GAK: variants seen among roughly 807,000 people sequenced by gnomAD.
GAK encodes the protein cyclin-G-associated kinase.
A neutral mutation model predicts 143.9 loss-of-function variants in GAK; 79 were observed. That is an observed-to-expected ratio of 0.55 (90% confidence interval 0.46 to 0.66). The LOEUF (loss-of-function observed/expected upper bound fraction) is 0.66. Among genes scored for constraint, GAK ranks in the 30% least tolerant of loss-of-function variants. The pLI, the probability that GAK is intolerant of heterozygous loss-of-function variation, is 0.00. For synonymous variants in GAK, 881 were observed against 765.5 expected (o/e 1.15, Z -2.49); for missense variants, 1,693 against 1,779.7 (o/e 0.95, Z 0.88).
chr4:890,670 C>T (rs371616833), intron 9 of GAK, 48 bp from the exon 10 acceptor site: 77 of 1,503,232 alleles, frequency 5.1e-5, no homozygotes, highest in South Asian at 3.3e-4. Flanking sequence ...TGACAACTCA[C>T]GCCTGCCCAC....
chr4:927,696 C>T (rs28735313), intron 1 of GAK, among the ~76,000 whole-genome samples: 1 of 47,888 alleles, frequency 2.1e-5, no homozygotes, highest in Admixed American at 2.0e-4. Flanking sequence ...CCTCCCCGCT[C>T]ACCTGCCCTC....
chr4:928,883 CCT>C (rs1266878522), intron 1 of GAK, among the ~76,000 whole-genome samples: 1 of 152,194 alleles, frequency 6.6e-6, no homozygotes, highest in Admixed American at 6.5e-5. Flanking sequence ...CCTGCCTCAG[CCT>C]CCTGAGTAGC....
At chr4:863,554 G>A (rs1358223396) in intron 23 of GAK, among the ~76,000 whole-genome samples, 2 of 152,184 alleles carry the variant, frequency 1.3e-5, no homozygotes, top group Admixed American at 1.3e-4. Flanking sequence ...CTTATTTTCA[G>A]AAATGGCCAC....
intron 4 of GAK, among the ~76,000 whole-genome samples, chr4:905,439 G>A (rs1039037462): frequency 6.7e-6 from 1 of 150,284 alleles, no homozygotes; most frequent in African/African-American, 2.5e-5. Context: ...ACTCTGCCAC[G>A]CCGCGCCACG....
intron 1 of GAK, among the ~76,000 whole-genome samples, chr4:914,893 A>G (rs1722834627): frequency 1.9e-5 from 2 of 105,330 alleles, no homozygotes; most frequent in African/African-American, 7.6e-5. Context: ...CCCAGCGTGC[A>G]CGGCCCCACA....
At chr4:920,561 T>TTTTTTTTTTA (rs1577319252) in intron 1 of GAK, among the ~76,000 whole-genome samples, 2 of 96,072 alleles carry the variant, frequency 2.1e-5, no homozygotes, top group African/African-American at 7.3e-5. Flanking sequence ...TTTTTTTTTT[T>TTTTTTTTTTA]GAGACGGAGT....
In GAK at chr4:867,038, G is replaced by C; in HGVS notation, c.2790C>G (p.Leu930=). 1 of 1,517,548 alleles carries C rather than the reference G, an allele frequency of 6.6e-7. No homozygotes were observed. The highest frequency in any genetic ancestry group is 2.3e-5 in the East Asian group (1 of 43,506). 94.0% of individuals were successfully genotyped at this position (1,517,548 alleles called of 1,614,324 possible). Residue 930 remains leucine (L), a synonymous_variant, in exon 21 of 28, where the codon CTC becomes CTG. Transcript: ENST00000314167. ...AASQGPPEDL[L]SEDPLLLASP... Reference sequence around the variant, plus strand: ...TTGCCAGGAGCAGCGGGTCCTCGCTGAGCAGATCCTCCGGGGGCCCCTGGG... The same window carrying C: ...TTGCCAGGAGCAGCGGGTCCTCGCTCAGCAGATCCTCCGGGGGCCCCTGGG...
At chr4:886,687 C>G (rs78009386) in intron 11 of GAK, 15,003 of 152,330 alleles carry the variant, frequency 0.098, 923 homozygotes, top group African/African-American at 0.17. Context: ...CTCTCACCCC[C>G]CTGGGTCCAT....
At chr4:920,433 G>A (rs1444115867) in intron 1 of GAK, among the ~76,000 whole-genome samples, 1 of 151,930 alleles carries the variant, frequency 6.6e-6, no homozygotes, top group Non-Finnish European at 1.5e-5. Context: ...GGAAGGATGT[G>A]CATTGAACTC....
chr4:927,159 C>G (rs75394832), intron 1 of GAK, among the ~76,000 whole-genome samples: 14 of 58,606 alleles, frequency 2.4e-4, no homozygotes, highest in African/African-American at 7.5e-4. Context: ...CTCACCTGCG[C>G]TCCGCACTGC....
At chr4:851,147 G>C (rs1327217001) in intron 25 of GAK, 63 bp from the exon 26 acceptor site, 4 of 1,432,848 alleles carry the variant, frequency 2.8e-6, no homozygotes, top group African/African-American at 2.8e-5. Context: ...ACCCAGGCCA[G>C]AGTGCAATGG....
chr4:849,833 G>GCCCCCC, intron 27 of GAK, 59 bp from the exon 28 acceptor site: 1 of 1,190,150 alleles, frequency 8.4e-7, no homozygotes, highest in Non-Finnish European at 1.2e-6. Context: ...GGCGGGGCAG[G>GCCCCCC]ACCCCCCCCC....
chr4:925,940 C>T (rs563744284), intron 1 of GAK, among the ~76,000 whole-genome samples: 7 of 152,200 alleles, frequency 4.6e-5, no homozygotes, highest in South Asian at 2.1e-4. Flanking sequence ...CAGGAGTCCA[C>T]GGAGTGGAGG....
In GAK at chr4:868,503, C is replaced by T. The variant is rs181798150; in HGVS notation, c.2395+36G>A. 930 of 1,593,484 alleles carry T rather than the reference C, an allele frequency of 5.8e-4. 9 individuals are homozygous for T. The African/African-American group carries it at 0.011, about 19-fold the overall frequency. On this transcript the variant is annotated intron_variant, in intron 20 of 27. Coordinates refer to ENST00000314167, the MANE Select transcript of GAK (RefSeq NM_005255.4). ...GGGCACCTCCAGACCAGGGGCCTGC[C>T]CTCTGCAAGTGGCCAGGTCCAGGGA... is the stretch of plus-strand genomic sequence containing the variant.
At chr4:907,251 G>A (rs776203423) in intron 4 of GAK, among the ~76,000 whole-genome samples, 10 of 152,300 alleles carry the variant, frequency 6.6e-5, no homozygotes, top group South Asian at 6.2e-4. Context: ...ACCCAGCTGA[G>A]GGGCCCTCCC....
intron 1 of GAK, among the ~76,000 whole-genome samples, chr4:917,150 G>C (rs1216205864): frequency 6.6e-6 from 1 of 152,154 alleles, no homozygotes; most frequent in Non-Finnish European, 1.5e-5. Flanking sequence ...GCCAAAAAAA[G>C]AGAGTACATA....
intron 20 of GAK, among the ~76,000 whole-genome samples, chr4:867,950 G>C (rs901048245): frequency 6.6e-6 from 1 of 152,222 alleles, no homozygotes; most frequent in African/African-American, 2.4e-5. Flanking sequence ...AGTCAAGTGG[G>C]GGCCACATGG....
chr4:854,013 G>T (rs1748682361), intron 24 of GAK, among the ~76,000 whole-genome samples: 1 of 151,884 alleles, frequency 6.6e-6, no homozygotes, highest in Non-Finnish European at 1.5e-5. Flanking sequence ...GGTCAGGCTG[G>T]TCGCGAACTC....
intron 1 of GAK, among the ~76,000 whole-genome samples, chr4:921,078 CA>C (rs2152964276): frequency 6.6e-6 from 1 of 152,128 alleles, no homozygotes; most frequent in African/African-American, 2.4e-5. Flanking sequence ...AACAGCCACA[CA>C]AATCAATCCA....
Sources: gnomAD v4.1 joint callset for allele counts (sites outside exome capture counted in the v4.1 genomes callset) on GRCh38, gnomAD v4.1.1 for gene constraint, MANE v1.5 for transcripts, NCBI Gene and HGNC (gene_info 2026-07-23, HGNC 2026-07-21) for gene names.